ELOVL7: variants seen among roughly 807,000 people sequenced by gnomAD.
The protein encoded by ELOVL7 is very long chain fatty acid elongase 7.
Under a neutral mutation model 35.7 loss-of-function variants are expected in ELOVL7, and 27 were observed. The ratio of observed to expected loss-of-function variants is 0.76; its 90% confidence interval spans 0.56 to 1.04. ELOVL7 has a LOEUF of 1.04. Ranked by LOEUF, ELOVL7 falls within the 50% of genes least tolerant of loss-of-function variation. The pLI, the probability that ELOVL7 is intolerant of heterozygous loss-of-function variation, is 0.00. For missense variants in ELOVL7, 327 were observed against 340.8 expected (o/e 0.96, Z 0.32); for synonymous variants, 113 against 114.6 (o/e 0.99, Z 0.09).
Position 60,787,435 on chromosome 5 carries a change from CA to C in ELOVL7, c.-34-5del. 1 of 1,476,630 alleles carries C rather than the reference CA, an allele frequency of 6.8e-7. No homozygotes were observed. The highest frequency in any genetic ancestry group is 9.2e-7 in the Non-Finnish European group (1 of 1,087,298). 91.5% of individuals were successfully genotyped at this position (1,476,630 alleles called of 1,614,324 possible). A position where few individuals can be genotyped will look rare whatever the true frequency, so the allele number is the denominator to read the frequency against. On this transcript the variant is annotated splice_polypyrimidine_tract_variant and splice_region_variant and intron_variant, in intron 2 of 8. Transcript: ENST00000508821. ...TTACTGGCTCTTTTAATGGGTTCTT[CA>C]GTAAAATAAAACAGAAATGAGTTTA...
intron 3 of ELOVL7, among the ~76,000 whole-genome samples, chr5:60,782,684 G>A (rs1228615719): frequency 6.6e-6 from 1 of 152,180 alleles, no homozygotes. Flanking sequence ...ATTATGCTAA[G>A]TAAGATAAAC....
chr5:60,807,774 T>G (rs1163797309), intron 1 of ELOVL7, among the ~76,000 whole-genome samples: 2 of 150,658 alleles, frequency 1.3e-5, no homozygotes, highest in African/African-American at 4.9e-5. Flanking sequence ...CCGAGGCAGG[T>G]GGATCACAAG....
In ELOVL7 at chr5:60,757,568, A is replaced by G. The variant is rs139703859; in HGVS notation, c.577T>C (p.Leu193=). 1.9e-4 allele frequency: 304 copies of G among 1,613,638 alleles called. 2 individuals are homozygous for G. The highest frequency in any genetic ancestry group is 6.2e-4 in the East Asian group (28 of 44,858). ...AAATACTTCTGGTAGGCTGGCCCCAATGCAGAAAGTCCATAGTAGGAATAC... is the reference window on the plus strand; with the variant it reads ...AAATACTTCTGGTAGGCTGGCCCCAGTGCAGAAAGTCCATAGTAGGAATAC... ...VMYSYYGLSA[L]GPAYQKYLWW... is the part of the protein sequence containing the mutation. The change falls in exon 8 of 9, where the codon TTG becomes CTG. Residue 193 remains leucine, a synonymous_variant. Transcript: ENST00000508821.
intron 1 of ELOVL7, among the ~76,000 whole-genome samples, chr5:60,808,916 A>C (rs947004051): frequency 6.6e-6 from 1 of 152,260 alleles, no homozygotes; most frequent in African/African-American, 2.4e-5. Context: ...AGAAAGCTAA[A>C]CTATAAAGTT....
chr5:60,812,492 GA>G (rs1000220017), intron 1 of ELOVL7, among the ~76,000 whole-genome samples: 4 of 150,570 alleles, frequency 2.7e-5, no homozygotes, highest in South Asian at 2.1e-4. Context: ...AATTTAATTG[GA>G]AAAAAAAAGA....
chr5:60,781,146 G>C (rs1350588653), intron 3 of ELOVL7, among the ~76,000 whole-genome samples: 4 of 151,550 alleles, frequency 2.6e-5, no homozygotes, highest in Admixed American at 2.0e-4. Flanking sequence ...GGAGGTGGAG[G>C]TTGCAGTGAA....
chr5:60,798,906 A>G lies in ELOVL7; in HGVS notation c.-35+274T>C, dbSNP rs555272288. 1.1e-4 allele frequency among the ~76,000 whole-genome samples: 17 copies of G among 152,344 alleles called. No individual in the cohort carries two copies. The East Asian group carries it at 2.7e-3, about 24-fold the overall frequency. On this transcript the variant is annotated intron_variant, in intron 2 of 8. Transcript: ENST00000508821. ...TCTATCCAACAACAGCAAAATACAC[A>G]TTCTTCTTAAGTGTACACAGAACAT...
intron 1 of ELOVL7, among the ~76,000 whole-genome samples, chr5:60,830,395 AG>A (rs1023650079): frequency 6.6e-6 from 1 of 152,198 alleles, no homozygotes; most frequent in Non-Finnish European, 1.5e-5. Context: ...CAACAGTAGA[AG>A]GGTAGTGAGA....
At chr5:60,779,617 C>A (rs1743116103) in intron 3 of ELOVL7, among the ~76,000 whole-genome samples, 1 of 152,118 alleles carries the variant, frequency 6.6e-6, no homozygotes, top group African/African-American at 2.4e-5. Context: ...AGCCCTGGGC[C>A]CAGCCCCAAA....
intron 1 of ELOVL7, among the ~76,000 whole-genome samples, chr5:60,805,315 G>A (rs560562076): frequency 6.6e-6 from 1 of 152,212 alleles, no homozygotes; most frequent in Non-Finnish European, 1.5e-5. Context: ...AGTTGCAGAT[G>A]TGTCTCCAAA....
In ELOVL7 at chr5:60,752,472, G is replaced by C. The variant is rs1460270978; in HGVS notation, c.*2152C>G. ...CCTCATTTTGGTCTCTATACTACTTGGGTTCTTTGGAAATGGTGTGATTTC... is the reference window on the plus strand; with the variant it reads ...CCTCATTTTGGTCTCTATACTACTTCGGTTCTTTGGAAATGGTGTGATTTC... On this transcript the variant is annotated 3_prime_UTR_variant, in exon 9 of 9. Coordinates refer to ENST00000508821, the MANE Select transcript of ELOVL7 (RefSeq NM_024930.3). 1 of 152,354 alleles carries C rather than the reference G, an allele frequency of 6.6e-6. No individual in the cohort carries two copies. The highest frequency in any genetic ancestry group is 1.9e-4 in the East Asian group (1 of 5,180). 9.4% of individuals were successfully genotyped at this position (152,354 alleles called of 1,614,324 possible). A position where few individuals can be genotyped will look rare whatever the true frequency, so the allele number is the denominator to read the frequency against.
In ELOVL7 at chr5:60,753,546, T is replaced by C. The variant is rs1334578495; in HGVS notation, c.*1078A>G. 1.3e-5 allele frequency: 2 copies of C among 152,172 alleles called. No homozygotes were observed. Among genetic ancestry groups the C allele is most frequent in the Non-Finnish European group, 2.9e-5 (2 of 68,026 alleles). 9.4% of individuals were successfully genotyped at this position (152,172 alleles called of 1,614,324 possible). ...AGTAGAACAGCCCTTGCTTACATAA[T>C]CAATTTTCCCCTGGATATTCTCTGT... On this transcript the variant is annotated 3_prime_UTR_variant, in exon 9 of 9. Coordinates refer to ENST00000508821, the MANE Select transcript of ELOVL7 (RefSeq NM_024930.3).
intron 2 of ELOVL7, among the ~76,000 whole-genome samples, chr5:60,788,643 C>T (rs1002558161): frequency 7.2e-5 from 9 of 124,612 alleles, no homozygotes; most frequent in Admixed American, 1.6e-4. Flanking sequence ...GGCGTGGTGA[C>T]GGGTGCCTGT....
intron 8 of ELOVL7, 51 bp from the exon 9 acceptor site, chr5:60,754,884 A>G (rs1365969503): frequency 1.3e-6 from 2 of 1,489,996 alleles, no homozygotes; most frequent in Non-Finnish European, 9.3e-7. Flanking sequence ...AGAGTTAACA[A>G]TTCTTTACCT....
chr5:60,806,976 T>C (rs1021932443), intron 1 of ELOVL7, among the ~76,000 whole-genome samples: 4 of 152,160 alleles, frequency 2.6e-5, no homozygotes, highest in African/African-American at 9.7e-5. Flanking sequence ...TACATACAAA[T>C]GTTCTAAATT....
chr5:60,779,663 C>T lies in ELOVL7; in HGVS notation c.65-7570G>A, dbSNP rs772722145. Among the ~76,000 whole-genome samples the T allele has an allele frequency of 3.3e-5, 5 of 152,304 alleles. No individual in the cohort carries two copies. In the Middle Eastern group the frequency reaches 0.01, roughly 311 times the overall value. Reference sequence around the variant, plus strand: ...TCCTCCTAGGCCTCCAGGTCTGTGACGGGAGGGGCTGCTGCCAAGGTCTCT... The same window carrying T: ...TCCTCCTAGGCCTCCAGGTCTGTGATGGGAGGGGCTGCTGCCAAGGTCTCT... On this transcript the variant is annotated intron_variant, in intron 3 of 8. Transcript: ENST00000508821.
At chr5:60,811,176 A>T (rs565935080) in intron 1 of ELOVL7, among the ~76,000 whole-genome samples, 44 of 148,148 alleles carry the variant, frequency 3.0e-4, no homozygotes, top group Middle Eastern at 3.4e-3. Context: ...TACTTTTTTT[A>T]AAAAAAACTT....
chr5:60,756,837 T>C (rs1050126247), intron 8 of ELOVL7, among the ~76,000 whole-genome samples: 2 of 152,148 alleles, frequency 1.3e-5, no homozygotes, highest in Non-Finnish European at 1.5e-5. Flanking sequence ...AGATTTCTCC[T>C]TTTAATAGAC....
At chr5:60,790,715 A>C (rs1743887517) in intron 2 of ELOVL7, among the ~76,000 whole-genome samples, 1 of 152,184 alleles carries the variant, frequency 6.6e-6, no homozygotes, top group Non-Finnish European at 1.5e-5. Flanking sequence ...GGCTCACAAC[A>C]ACCTTAGTTT....
Sources: gnomAD v4.1 joint callset for allele counts (sites outside exome capture counted in the v4.1 genomes callset) on GRCh38, gnomAD v4.1.1 for gene constraint, MANE v1.5 for transcripts, NCBI Gene and HGNC (gene_info 2026-07-23, HGNC 2026-07-21) for gene names.